SNED1: variants seen among roughly 807,000 people sequenced by gnomAD.
SNED1 encodes the protein sushi, nidogen and EGF-like domain-containing protein 1.
A neutral mutation model predicts 166.7 loss-of-function variants in SNED1; 81 were observed. The ratio of observed to expected loss-of-function variants is 0.49; its 90% CI spans 0.41 to 0.58. The LOEUF is 0.58. Ranked by LOEUF, SNED1 falls within the 20% of genes least tolerant of loss-of-function variation. The pLI is 0.00. For missense variants in SNED1, 1,604 were observed against 2,000.2 expected (o/e 0.80, Z 3.78); for synonymous variants, 762 against 822.0 (o/e 0.93, Z 1.25).
chr2:241,030,882 G>T (rs1485685453), intron 2 of SNED1, among the ~76,000 whole-genome samples: 1 of 152,244 alleles, frequency 6.6e-6, no homozygotes, highest in Non-Finnish European at 1.5e-5. Context: ...AGACTGGAAG[G>T]TTATTCTGTT....
intron 1 of SNED1, among the ~76,000 whole-genome samples, chr2:241,014,629 G>A (rs1028272300): frequency 2.0e-5 from 3 of 152,126 alleles, no homozygotes; most frequent in Non-Finnish European, 4.4e-5. Context: ...TCGCCGATTC[G>A]TGGGGGTTCT....
Position 241,052,042 on chromosome 2 carries a change from G to A in SNED1, c.1854G>A (p.Gly618=), listed in dbSNP as rs781653600. The change falls in exon 14 of 32, where the codon GGG becomes GGA. Residue 618 remains glycine, a splice_region_variant and synonymous_variant. Coordinates refer to ENST00000310397, the MANE Select transcript of SNED1 (RefSeq NM_001080437.3). The part of the protein sequence containing the change: ...YRFTGRHCEI[G]KPDSCASGPC... ...CCCTGACCTGGCTTCTGTTTCCAGG[G>A]AAGCCAGACTCGTGTGCCTCTGGCC... is the stretch of plus-strand genomic sequence containing the variant. The A allele has an allele frequency of 5.8e-5, 94 of 1,613,524 alleles. No individual in the cohort carries two copies. The African/African-American group carries it at 1.1e-3, about 19-fold the overall frequency.
chr2:241,082,497 C>A, intron 29 of SNED1, 133 bp downstream of exon 29: 1 of 634,818 alleles, frequency 1.6e-6, no homozygotes, highest in Non-Finnish European at 2.8e-6. Flanking sequence ...CTTGCTTTGA[C>A]CATCGATTCC....
chr2:241,085,370 T>C (rs1187582651), intron 29 of SNED1, among the ~76,000 whole-genome samples: 2 of 152,210 alleles, frequency 1.3e-5, no homozygotes, highest in Non-Finnish European at 2.9e-5. Flanking sequence ...GCATCTACCA[T>C]TAATCCTGTT....
intron 29 of SNED1, among the ~76,000 whole-genome samples, chr2:241,083,405 T>C (rs1394662831): frequency 6.6e-6 from 1 of 151,940 alleles, no homozygotes; most frequent in African/African-American, 2.4e-5. Context: ...GAGGAGCTAC[T>C]GAAGGGTTCT....
intron 27 of SNED1, among the ~76,000 whole-genome samples, chr2:241,076,909 C>T (rs1369696191): frequency 1.3e-5 from 2 of 152,124 alleles, no homozygotes; most frequent in African/African-American, 4.8e-5. Flanking sequence ...GAAACCCCGT[C>T]TCTACTAAAA....
chr2:241,012,671 T>C (rs2060447564), intron 1 of SNED1, among the ~76,000 whole-genome samples: 1 of 152,210 alleles, frequency 6.6e-6, no homozygotes, highest in South Asian at 2.1e-4. Flanking sequence ...TGATTTAATA[T>C]ACCTACACAT....
intron 16 of SNED1, among the ~76,000 whole-genome samples, chr2:241,058,006 T>C (rs571374058): frequency 6.6e-6 from 1 of 152,058 alleles, no homozygotes; most frequent in Non-Finnish European, 1.5e-5. Context: ...ATGGACTAAC[T>C]CTCCAGGTGA....
In SNED1 at chr2:241,072,058, C is replaced by T. The variant is rs1575063846; in HGVS notation, c.3817+180C>T. 5.6e-6 allele frequency: 4 copies of T among 709,874 alleles called. No homozygotes were observed. The East Asian group carries it at 1.1e-4, about 19-fold the overall frequency. 44.0% of individuals were successfully genotyped at this position (709,874 alleles called of 1,614,324 possible). A position where few individuals can be genotyped will look rare whatever the true frequency, so the allele number is the denominator to read the frequency against. ...GCTCGTGGGCCGCCGGCAGCATGCACCTCCATGGCAGGAGGGGCAGCTCGT... is the reference window on the plus strand; with the variant it reads ...GCTCGTGGGCCGCCGGCAGCATGCATCTCCATGGCAGGAGGGGCAGCTCGT... On this transcript the variant is annotated intron_variant, in intron 26 of 31. Coordinates refer to ENST00000310397, the MANE Select transcript of SNED1 (RefSeq NM_001080437.3).
rs780880469 is a variant in SNED1, at chr2:241,034,518, G to A, written c.643-50G>A. The A allele has an allele frequency of 5.3e-6, 8 of 1,519,262 alleles. No homozygotes were observed. The African/African-American group carries it at 8.2e-5, about 16-fold the overall frequency. The allele number at this position is 1,519,262 out of a possible 1,614,324, so 94.1% of individuals were successfully genotyped here. ...TGGGGGCAGGGTAACCCCCACCTCT[G>A]TAGACCTGGGGAACTGGCCTCCCTC... On this transcript the variant is annotated intron_variant, in intron 3 of 31. Coordinates refer to ENST00000310397, the MANE Select transcript of SNED1 (RefSeq NM_001080437.3).
At chr2:241,021,424 T>C (rs746325020) in intron 1 of SNED1, among the ~76,000 whole-genome samples, 13 of 152,216 alleles carry the variant, frequency 8.5e-5, no homozygotes, top group Non-Finnish European at 1.2e-4. Flanking sequence ...AGAAACTCCA[T>C]GCCCTTTAGC....
Position 241,073,558 on chromosome 2 carries a change from C to T in SNED1, c.3916+194C>T, listed in dbSNP as rs1047008144. On this transcript the variant is annotated intron_variant, in intron 27 of 31. Transcript: ENST00000310397. This position sits in a 1 kb window ranked among gnomAD's most constrained non-coding sequence, Gnocchi z 6.6. ...ACACCACCCAAGCAGTGGGACCCCA[C>T]AGACGGGAACAGGCCAGGGGGCAGG... 13 of 629,408 alleles carry T rather than the reference C, an allele frequency of 2.1e-5. No homozygotes were observed. Among genetic ancestry groups the T allele is most frequent in the Non-Finnish European group, 3.8e-5 (13 of 344,856 alleles). The allele number at this position is 629,408 out of a possible 1,614,324, so 39.0% of individuals were successfully genotyped here. A position where few individuals can be genotyped will look rare whatever the true frequency, so the allele number is the denominator to read the frequency against.
At position 240,999,535 on chromosome 2, in the gene SNED1, C is replaced by T. The variant is rs2060011703; in HGVS notation, c.213+485C>T. On this transcript the variant is annotated intron_variant, in intron 1 of 31. Coordinates refer to ENST00000310397, the MANE Select transcript of SNED1 (RefSeq NM_001080437.3). This position sits in a 1 kb window ranked among gnomAD's most constrained non-coding sequence, Gnocchi z 5.8. ...CGGCCCAGAGCCAGGAGGCTGGACC[C>T]CTTGCCCAGGCGCTCAGGGCAGGGC... Among the ~76,000 whole-genome samples the T allele has an allele frequency of 6.6e-6, 1 of 152,216 alleles. No homozygotes were observed.
intron 1 of SNED1, among the ~76,000 whole-genome samples, chr2:241,001,565 T>C (rs569916769): frequency 6.6e-6 from 1 of 151,724 alleles, no homozygotes; most frequent in Non-Finnish European, 1.5e-5. Context: ...CGCCGAGGAG[T>C]GTGGCGTGCT....
intron 26 of SNED1, chr2:241,072,997 A>G: frequency 2.0e-6 from 1 of 494,284 alleles, no homozygotes; most frequent in Non-Finnish European, 3.6e-6. Flanking sequence ...GCCTCTCAGC[A>G]TGATCAGTGG....
chr2:241,023,034 A>G (rs1574901063), intron 1 of SNED1, among the ~76,000 whole-genome samples: 2 of 151,874 alleles, frequency 1.3e-5, no homozygotes, highest in East Asian at 3.8e-4. Flanking sequence ...CACTTTATTC[A>G]GTATTTTTCT....
At chr2:241,033,050 C>CTT (rs1317761914) in intron 2 of SNED1, among the ~76,000 whole-genome samples, 1 of 152,192 alleles carries the variant, frequency 6.6e-6, no homozygotes, top group Admixed American at 6.5e-5. Flanking sequence ...AAACATCACA[C>CTT]TTAAAAGTCC....
chr2:241,086,424 A>G (rs1241954946), intron 29 of SNED1, among the ~76,000 whole-genome samples: 1 of 151,628 alleles, frequency 6.6e-6, no homozygotes, highest in African/African-American at 2.4e-5. Context: ...TGTTTCCTCA[A>G]CTCAGTGTGA....
chr2:241,012,946 C>T (rs1164285000), intron 1 of SNED1, among the ~76,000 whole-genome samples: 1 of 151,916 alleles, frequency 6.6e-6, no homozygotes, highest in African/African-American at 2.4e-5. Flanking sequence ...CGCCATCCTC[C>T]TGCCTCAGCC....
Sources: gnomAD v4.1 joint callset for allele counts (sites outside exome capture counted in the v4.1 genomes callset) on GRCh38, gnomAD v4.1.1 for gene constraint, Gnocchi (gnomAD v3.1) non-coding constraint, MANE v1.5 for transcripts, NCBI Gene and HGNC (gene_info 2026-07-23, HGNC 2026-07-21) for gene names.